VPS13B: variants seen among roughly 807,000 people sequenced by gnomAD.
VPS13B encodes the protein intermembrane lipid transfer protein VPS13B.
Under a neutral mutation model 426.4 loss-of-function variants are expected in VPS13B, and 285 were observed. That is an observed-to-expected ratio of 0.67 (90% CI 0.61 to 0.74). VPS13B has a LOEUF of 0.74. Ranked by LOEUF, VPS13B falls within the 30% of genes least tolerant of loss-of-function variation. VPS13B has a pLI of 0.00. For synonymous variants in VPS13B, 1,676 were observed against 1,676.4 expected (o/e 1.00, Z 0.01); for missense variants, 4,537 against 4,782.6 (o/e 0.95, Z 1.51).
Position 99,859,492 on chromosome 8 carries a change from C to T in VPS13B, c.11044+12C>T, listed in dbSNP as rs1588794469. On this transcript the variant is annotated intron_variant, in intron 57 of 61. Transcript: ENST00000357162. ...GCACATCTCCAAAGGTAGCGGGTTC[C>T]GTTCCTTGTAATAATGCCTTCACTC... 5 of 1,612,510 alleles carry T rather than the reference C, an allele frequency of 3.1e-6. No individual in the cohort carries two copies. The highest frequency in any genetic ancestry group is 1.7e-5 in the Admixed American group (1 of 59,946).
chr8:99,082,978 G>C (rs1845567004), intron 3 of VPS13B, among the ~76,000 whole-genome samples: 1 of 152,126 alleles, frequency 6.6e-6, no homozygotes, highest in South Asian at 2.1e-4. Flanking sequence ...CTTTAAAGTA[G>C]TTTTTTCCAA....
At chr8:99,712,835 T>C (rs1361688809) in intron 36 of VPS13B, among the ~76,000 whole-genome samples, 1 of 151,832 alleles carries the variant, frequency 6.6e-6, no homozygotes, top group Non-Finnish European at 1.5e-5. Context: ...ATAATTCAAG[T>C]CTGGAATTTT....
chr8:99,421,733 C>T (rs922345266), intron 21 of VPS13B, among the ~76,000 whole-genome samples: 9 of 151,898 alleles, frequency 5.9e-5, no homozygotes, highest in Non-Finnish European at 1.0e-4. Context: ...GCTGGAGTGC[C>T]GTGCCATTAA....
At chr8:99,620,986 C>CAAAAA (rs397892235) in intron 33 of VPS13B, among the ~76,000 whole-genome samples, 6 of 50,792 alleles carry the variant, frequency 1.2e-4, no homozygotes, top group Non-Finnish European at 1.6e-4. Context: ...AACTCCATCT[C>CAAAAA]AAAAAAAAAA....
chr8:99,232,449 C>T (rs1297169914), intron 17 of VPS13B, among the ~76,000 whole-genome samples: 1 of 151,794 alleles, frequency 6.6e-6, no homozygotes, highest in African/African-American at 2.4e-5. Context: ...CTCGAAGCTC[C>T]TCTCTACACC....
At chr8:99,733,087 G>A (rs1833669571) in intron 39 of VPS13B, among the ~76,000 whole-genome samples, 1 of 152,054 alleles carries the variant, frequency 6.6e-6, no homozygotes, top group South Asian at 2.1e-4. Flanking sequence ...AAAATGTTTG[G>A]GGTGTAAAAA....
At chr8:99,696,933 G>T in intron 35 of VPS13B, 1 of 698,180 alleles carries the variant, frequency 1.4e-6, no homozygotes, top group Non-Finnish European at 2.7e-6. Flanking sequence ...CCAATGATAA[G>T]CTGATTGCTG....
chr8:99,523,816 C>T (rs1822504704), intron 30 of VPS13B, among the ~76,000 whole-genome samples: 1 of 152,156 alleles, frequency 6.6e-6, no homozygotes, highest in African/African-American at 2.4e-5. Context: ...ATACTTAACT[C>T]TTAAATGCCC....
At chr8:99,622,788 T>C (rs2133895586) in intron 33 of VPS13B, among the ~76,000 whole-genome samples, 1 of 152,306 alleles carries the variant, frequency 6.6e-6, no homozygotes, top group South Asian at 2.1e-4. Flanking sequence ...GAGTTTATAC[T>C]CACCTCCTGT....
At chr8:99,738,447 G>C (rs1833932938) in intron 39 of VPS13B, among the ~76,000 whole-genome samples, 1 of 152,116 alleles carries the variant, frequency 6.6e-6, no homozygotes, top group East Asian at 1.9e-4. Flanking sequence ...TAAAAGATGG[G>C]TACTCAAATT....
At chr8:99,707,259 T>C (rs1832531538) in intron 36 of VPS13B, among the ~76,000 whole-genome samples, 1 of 152,184 alleles carries the variant, frequency 6.6e-6, no homozygotes. Context: ...GTGTCAAAAG[T>C]TACTCTGTAG....
At chr8:99,247,688 TGTTC>T (rs1817295202) in intron 17 of VPS13B, among the ~76,000 whole-genome samples, 1 of 152,240 alleles carries the variant, frequency 6.6e-6, no homozygotes, top group Non-Finnish European at 1.5e-5. Context: ...ACATAAATTT[TGTTC>T]AAGGCTGGTG....
At chr8:99,139,594 C>T (rs770014714) in intron 12 of VPS13B, among the ~76,000 whole-genome samples, 12 of 151,938 alleles carry the variant, frequency 7.9e-5, no homozygotes, top group Non-Finnish European at 1.5e-4. Flanking sequence ...CCCGCCACCA[C>T]GCCTGGCTAA....
Position 99,853,453 on chromosome 8 carries a change from C to A in VPS13B, c.10064C>A (p.Ala3355Glu), listed in dbSNP as rs199931583. The change falls in exon 56 of 62, where the codon GCG becomes GAG. Residue 3355 changes from alanine (A) to glutamate (E), a missense_variant and splice_region_variant. Coordinates refer to ENST00000357162, the MANE Select transcript of VPS13B (RefSeq NM_152564.5). Reference sequence around the variant, plus strand: ...GTTCTTGTCCCTTTCTCCTCTAGAGCGCCAGAGAAGATTGTTACATTTAAA... The same window carrying A: ...GTTCTTGTCCCTTTCTCCTCTAGAGAGCCAGAGAAGATTGTTACATTTAAA... ...AGPILTNTNR[A>E]PEKIVTFKMF... 12 of 1,614,084 alleles carry A rather than the reference C, an allele frequency of 7.4e-6. No homozygotes were observed. The highest frequency in any genetic ancestry group is 1.0e-5 in the Non-Finnish European group (12 of 1,180,016).
chr8:99,682,403 T>G (rs1831190441), intron 35 of VPS13B, among the ~76,000 whole-genome samples: 1 of 152,208 alleles, frequency 6.6e-6, no homozygotes, highest in Admixed American at 6.5e-5. Flanking sequence ...ATTTTCTCAT[T>G]GCTGAGTTAT....
chr8:99,358,861 A>C (rs1812337283), intron 19 of VPS13B, among the ~76,000 whole-genome samples: 1 of 152,194 alleles, frequency 6.6e-6, no homozygotes, highest in Admixed American at 6.5e-5. Context: ...AGTACATGCA[A>C]ATTTTGATGA....
chr8:99,067,825 C>T lies in VPS13B; in HGVS notation c.292-28487C>T, dbSNP rs73699963. On this transcript the variant is annotated intron_variant, in intron 3 of 61. Transcript: ENST00000357162. ...CTGAGAAAATTCTTTTGTGCTTTAC[C>T]GCAAATTTATCTGAAATGCATTCTT... 3.9e-3 allele frequency among the ~76,000 whole-genome samples: 587 copies of T among 152,024 alleles called. 2 individuals are homozygous for T. The highest frequency in any genetic ancestry group is 0.013 in the African/African-American group (544 of 41,460).
At chr8:99,224,490 A>T (rs1431647495) in intron 17 of VPS13B, among the ~76,000 whole-genome samples, 1 of 152,194 alleles carries the variant, frequency 6.6e-6, no homozygotes. Context: ...TTATTAGAAA[A>T]TTAGGATTGA....
At chr8:99,056,900 C>G (rs1286615208) in intron 3 of VPS13B, among the ~76,000 whole-genome samples, 2 of 152,108 alleles carry the variant, frequency 1.3e-5, no homozygotes, top group East Asian at 3.8e-4. Context: ...TTTCTTTCAT[C>G]AGCATTTTCT....
Sources: gnomAD v4.1 joint callset for allele counts (sites outside exome capture counted in the v4.1 genomes callset) on GRCh38, gnomAD v4.1.1 for gene constraint, MANE v1.5 for transcripts, NCBI Gene and HGNC (gene_info 2026-07-23, HGNC 2026-07-21) for gene names.